Variants in NUP155 observed in about 807,000 individuals in gnomAD.
NUP155 encodes nuclear pore complex protein Nup155.
In NUP155, 71 loss-of-function variants were observed where a neutral mutation model predicts 180.4. The ratio of observed to expected loss-of-function variants is 0.39; its 90% CI spans 0.33 to 0.48. The LOEUF is 0.48. NUP155 is among the 20% of genes least tolerant of loss of function. The probability of loss-of-function intolerance (pLI) is 0.91; values close to 1 mark genes in which losing one functional copy is unlikely to be tolerated. For synonymous variants in NUP155, 582 were observed against 559.5 expected, an observed-to-expected ratio of 1.04 and a Z score of -0.57; for missense variants, 1,553 against 1,648.9, an observed-to-expected ratio of 0.94 and a Z score of 1.01.
chr5:37,354,803 C>T (rs111679554), intron 4 of NUP155, among the ~76,000 whole-genome samples: 7,072 of 149,232 alleles, frequency 0.047, 562 homozygotes, highest in African/African-American at 0.16. Context: ...TATAAAATGT[C>T]GGTTTGGGCT....
chr5:37,327,725 G>T lies in NUP155; in HGVS notation c.1928C>A (p.Ala643Glu). Residue 643 changes from alanine (A) to glutamate (E), a missense_variant, in exon 18 of 35, where the codon GCA becomes GAA. By Grantham distance (107) the Ala-to-Glu change is moderately radical (BLOSUM62 -1). Transcript: ENST00000231498. The part of the protein sequence containing the change: ...STPVCALGNP[A>E]TQATNMSCVT... Reference sequence around the variant, plus strand: ...ACAACTCATATTTGTGGCCTGAGTTGCTGGGTTTCCCAGAGCACACACTGG... The same window carrying T: ...ACAACTCATATTTGTGGCCTGAGTTTCTGGGTTTCCCAGAGCACACACTGG... 3.1e-6 allele frequency: 5 copies of T among 1,614,122 alleles called. No homozygotes were observed. The highest frequency in any genetic ancestry group is 4.2e-6 in the Non-Finnish European group (5 of 1,179,994).
At position 37,307,425 on chromosome 5, in the gene NUP155, A is replaced by G. The variant is rs758609004; in HGVS notation, c.2775T>C (p.Phe925=). The G allele has an allele frequency of 1.2e-6, 2 of 1,614,018 alleles. No individual in the cohort carries two copies. Among genetic ancestry groups the G allele is most frequent in the South Asian group, 2.2e-5 (2 of 91,076 alleles). Reference sequence around the variant, plus strand: ...GAGAAAGTTCCACCACACCCTCATAAAATCTCACTGATGGGAAAGAAAAGA... The same window carrying G: ...GAGAAAGTTCCACCACACCCTCATAGAATCTCACTGATGGGAAAGAAAAGA... The part of the protein sequence containing the change: ...NVCAQYRQVR[F]YEGVVELSLT... The change falls in exon 25 of 35, where the codon TTT becomes TTC. Residue 925 remains phenylalanine (F), a synonymous_variant. Transcript: ENST00000231498.
chr5:37,341,095 C>A lies in NUP155; in HGVS notation c.1241G>T (p.Ser414Ile), dbSNP rs377079846. Residue 414 changes from serine to isoleucine, a missense_variant, in exon 11 of 35, where the codon AGT (serine) becomes ATT (isoleucine). Ser to Ile is a moderately radical substitution (Grantham distance 142). Coordinates refer to ENST00000231498, the MANE Select transcript of NUP155 (RefSeq NM_153485.3). ...GATAGTATTTCAGAACTTACCTTTA[C>A]TATAAAGAGCTCTATGTACTTTTGA... ...KPSKVHRALY[S>I]KGILLMAASE... is the part of the protein sequence containing the mutation. 3 of 1,610,462 alleles carry A rather than the reference C, an allele frequency of 1.9e-6. No individual in the cohort carries two copies. Among genetic ancestry groups the A allele is most frequent in the African/African-American group, 2.7e-5 (2 of 74,928 alleles).
chr5:37,350,555 G>C (rs1746388048), intron 6 of NUP155, among the ~76,000 whole-genome samples: 1 of 152,118 alleles, frequency 6.6e-6, no homozygotes, highest in Admixed American at 6.6e-5. Context: ...GTAAATCCTA[G>C]CACTTTGGGA....
rs567450002 is a variant in NUP155 at position 37,301,683 on chromosome 5, C to T, written c.3448-133G>A. 14 of 685,510 alleles carry T rather than the reference C, an allele frequency of 2.0e-5. No individual in the cohort carries two copies. The East Asian group carries it at 3.4e-4, about 17-fold the overall frequency. The allele number at this position is 685,510 out of a possible 1,614,324, so 42.5% of individuals were successfully genotyped here. On this transcript the variant is annotated intron_variant, in intron 29 of 34. Coordinates refer to ENST00000231498, the MANE Select transcript of NUP155 (RefSeq NM_153485.3). Reference sequence around the variant, plus strand: ...AAATGAAGATTTCTATCATAATAGGCTAATATTATCATAACAGACATCAAC... The same window carrying T: ...AAATGAAGATTTCTATCATAATAGGTTAATATTATCATAACAGACATCAAC...
Position 37,333,505 on chromosome 5 carries a change from C to G in NUP155, c.1476G>C (p.Gln492His). 1 of 1,614,070 alleles carries G rather than the reference C, an allele frequency of 6.2e-7. No homozygotes were observed. The highest frequency in any genetic ancestry group is 8.5e-7 in the Non-Finnish European group (1 of 1,179,942). Residue 492 changes from glutamine (Q) to histidine (H), a missense_variant, in exon 13 of 35, where the codon CAG (glutamine) becomes CAC (histidine). Physicochemically the swap from Gln to His is conservative, Grantham distance 24. Coordinates refer to ENST00000231498, the MANE Select transcript of NUP155 (RefSeq NM_153485.3). Reference protein sequence around the residue: ...PITDSPVVVQQHMLPPKKFVL... With the variant: ...PITDSPVVVQHHMLPPKKFVL... Reference sequence around the variant, plus strand: ...CAAATTTCTTCGGAGGTAACATGTGCTGCTGTACAACAACTGGTGAATCAG... The same window carrying G: ...CAAATTTCTTCGGAGGTAACATGTGGTGCTGTACAACAACTGGTGAATCAG...
intron 4 of NUP155, among the ~76,000 whole-genome samples, chr5:37,354,088 T>C (rs1334351122): frequency 2.6e-5 from 4 of 152,156 alleles, no homozygotes; most frequent in African/African-American, 7.2e-5. Context: ...TAATAGTATA[T>C]AGCAATATTT....
At chr5:37,305,357 C>T (rs1287990093) in intron 25 of NUP155, 147 bp from the exon 26 acceptor site, 1 of 701,064 alleles carries the variant, frequency 1.4e-6, no homozygotes, top group Admixed American at 2.3e-5. Flanking sequence ...CTAGCCAGGG[C>T]AACAGAGCGG....
At chr5:37,354,110 G>T (rs757735164) in intron 4 of NUP155, among the ~76,000 whole-genome samples, 11 of 152,146 alleles carry the variant, frequency 7.2e-5, no homozygotes, top group Admixed American at 1.3e-4. Flanking sequence ...TACACTTAAT[G>T]CATCTCTTTT....
At chr5:37,331,822 ACAAGAGATTTAC>A (rs1490183207) in intron 13 of NUP155, 27 bp from the exon 14 acceptor site, 1 of 1,361,680 alleles carries the variant, frequency 7.3e-7, no homozygotes, top group South Asian at 1.2e-5. Context: ...AAGAACATGA[ACAAGAGATTTAC>A]CAAGATTGGC....
chr5:37,364,553 T>C (rs112535308), intron 1 of NUP155, among the ~76,000 whole-genome samples, 169 bp from the exon 2 acceptor site: 2 of 152,156 alleles, frequency 1.3e-5, no homozygotes, highest in African/African-American at 2.4e-5. Flanking sequence ...CTTGTGAAGG[T>C]AGGAACAGTT....
chr5:37,295,525 G>A (rs1476789080), intron 32 of NUP155, among the ~76,000 whole-genome samples: 1 of 151,078 alleles, frequency 6.6e-6, no homozygotes, highest in Non-Finnish European at 1.5e-5. Context: ...GGGATGTGAG[G>A]AGCCCCTCTG....
In NUP155 at chr5:37,337,922, A is replaced by G. The variant is rs773507290; in HGVS notation, c.1247-4T>C. On this transcript the variant is annotated splice_region_variant and splice_polypyrimidine_tract_variant and intron_variant, in intron 11 of 34. Coordinates refer to ENST00000231498, the MANE Select transcript of NUP155 (RefSeq NM_153485.3). Reference sequence around the variant, plus strand: ...GAGGCTGCCATCAATAGAATACCTAAAAGTTTAATATACAAAATATTATTA... The same window carrying G: ...GAGGCTGCCATCAATAGAATACCTAGAAGTTTAATATACAAAATATTATTA... The G allele has an allele frequency of 4.7e-6, 7 of 1,477,240 alleles. No individual in the cohort carries two copies. Among genetic ancestry groups the G allele is most frequent in the South Asian group, 3.4e-5 (3 of 87,324 alleles). The allele number at this position is 1,477,240 out of a possible 1,614,324, so 91.5% of individuals were successfully genotyped here.
chr5:37,314,366 T>C lies in NUP155; in HGVS notation c.2306-38A>G, dbSNP rs189724116. On this transcript the variant is annotated intron_variant, in intron 21 of 34. Coordinates refer to ENST00000231498, the MANE Select transcript of NUP155 (RefSeq NM_153485.3). Reference sequence around the variant, plus strand: ...CAAAATAAATTATTATAAAATAACATAGGTTAAGTTGCTTTATTTCAAATA... The same window carrying C: ...CAAAATAAATTATTATAAAATAACACAGGTTAAGTTGCTTTATTTCAAATA... 3.0e-5 allele frequency: 43 copies of C among 1,451,848 alleles called. No homozygotes were observed. In the East Asian group the frequency reaches 1.0e-3, roughly 34 times the overall value. 89.9% of individuals were successfully genotyped at this position (1,451,848 alleles called of 1,614,324 possible).
rs149196738 is a variant in NUP155, at chr5:37,341,133, G to T, written c.1203C>A (p.Thr401=). Residue 401 remains threonine, a synonymous_variant, in exon 11 of 35, where the codon ACC becomes ACA. Transcript: ENST00000231498. ...TATGTACTTTTGAAGGCTTTTCCACGGTTGAAGATGCTGAGAATCCAGGAG... is the reference window on the plus strand; with the variant it reads ...TATGTACTTTTGAAGGCTTTTCCACTGTTGAAGATGCTGAGAATCCAGGAG... ...RLPPGFSASS[T]VEKPSKVHRA... is the part of the protein sequence containing the mutation. 2 of 1,613,672 alleles carry T rather than the reference G, an allele frequency of 1.2e-6. No homozygotes were observed. The highest frequency in any genetic ancestry group is 2.7e-5 in the African/African-American group (2 of 74,892).
chr5:37,325,358 A>T (rs976763809), intron 19 of NUP155, among the ~76,000 whole-genome samples: 1 of 152,222 alleles, frequency 6.6e-6, no homozygotes, highest in African/African-American at 2.4e-5. Context: ...ACCATGAGGT[A>T]TCAGGCTCTG....
chr5:37,332,636 A>G (rs553532854), intron 13 of NUP155, among the ~76,000 whole-genome samples: 6 of 152,114 alleles, frequency 3.9e-5, no homozygotes. Flanking sequence ...TATAAACCTT[A>G]GTGAGTGGAA....
At position 37,349,184 on chromosome 5, in the gene NUP155, T is replaced by G. The variant is rs1228217602; in HGVS notation, c.891A>C (p.Lys297Asn). ...TATTAATACTAACCTGTATTACTCC[T>G]TTCTCAGATCGTGTATATAAAATAT... ...SRNILYTRSE[K>N]GVIQVYDLGQ... Residue 297 changes from lysine to asparagine, a missense_variant, in exon 8 of 35, where the codon AAA becomes AAC. Lys to Asn is a moderately conservative substitution (Grantham distance 94, BLOSUM62 0). Coordinates refer to ENST00000231498, the MANE Select transcript of NUP155 (RefSeq NM_153485.3). 1.1e-5 allele frequency: 8 copies of G among 757,768 alleles called. No homozygotes were observed. The highest frequency in any genetic ancestry group is 1.7e-5 in the Non-Finnish European group (8 of 473,878). The allele number at this position is 757,768 out of a possible 1,614,324, so 46.9% of individuals were successfully genotyped here.
At chr5:37,307,456 G>T in intron 24 of NUP155, 24 bp from the exon 25 acceptor site, 2 of 1,612,494 alleles carry the variant, frequency 1.2e-6, no homozygotes, top group Non-Finnish European at 1.7e-6. Context: ...AAAGAATGAA[G>T]ACCTATGACT....
Sources: allele counts gnomAD v4.1 joint callset (sites outside exome capture counted in the v4.1 genomes callset), GRCh38; gene constraint gnomAD v4.1.1; transcripts MANE v1.5; gene names NCBI Gene and HGNC (gene_info 2026-07-23, HGNC 2026-07-21).